Variants in POU2F3 observed in about 807,000 individuals in gnomAD.
POU2F3 encodes the protein POU domain, class 2, transcription factor 3.
POU2F3 carries 23 observed loss-of-function variants against 59.2 expected under a neutral mutation model. The observed-to-expected ratio is 0.39, with a 90% CI of 0.28 to 0.55. The LOEUF is 0.55. Ranked by LOEUF, POU2F3 falls within the 20% of genes least tolerant of loss-of-function variation. POU2F3 has a pLI of 0.66. For missense variants in POU2F3, 473 were observed against 544.5 expected (o/e 0.87, Z 1.31); for synonymous variants, 190 against 214.6 (o/e 0.89, Z 1.00).
intron 6 of POU2F3, chr11:120,303,846 A>G (rs1390186546): frequency 1.3e-5 from 2 of 152,216 alleles, no homozygotes. Flanking sequence ...TACAAAAAGT[A>G]AATCAAAAAG....
chr11:120,243,232 T>G (rs918076501), intron 1 of POU2F3, among the ~76,000 whole-genome samples: 1 of 152,092 alleles, frequency 6.6e-6, no homozygotes, highest in South Asian at 2.1e-4. Flanking sequence ...AGCAGGTATG[T>G]GCGGGAGGAG....
chr11:120,271,648 A>C lies in POU2F3; in HGVS notation c.132+2404A>C, dbSNP rs57875313. Among the ~76,000 whole-genome samples, 1,045 of 152,196 alleles carry C rather than the reference A, an allele frequency of 6.9e-3. 11 individuals are homozygous for C. The highest frequency in any genetic ancestry group is 0.024 in the African/African-American group (998 of 41,520). ...CTTGGCGGCCCATGTGATTTGTTGG[A>C]AGCTTGAGACACACTAGTGCTGGAG... On this transcript the variant is annotated intron_variant, in intron 3 of 12. Coordinates refer to ENST00000543440, the MANE Select transcript of POU2F3 (RefSeq NM_014352.4).
chr11:120,285,549 A>T lies in POU2F3; in HGVS notation c.133-12716A>T, dbSNP rs1940748162. On this transcript the variant is annotated intron_variant, in intron 3 of 12. Coordinates refer to ENST00000543440, the MANE Select transcript of POU2F3 (RefSeq NM_014352.4). This position sits in a 1 kb window ranked among gnomAD's most constrained non-coding sequence, Gnocchi z 4.3. ...CCTTCCTTAAACCAGTTATATACTTAATACATGAATACTTTCCGGTTATAA... is the reference window on the plus strand; with the variant it reads ...CCTTCCTTAAACCAGTTATATACTTTATACATGAATACTTTCCGGTTATAA... Among the ~76,000 whole-genome samples, 1 of 152,240 alleles carries T rather than the reference A, an allele frequency of 6.6e-6. No individual in the cohort carries two copies. The highest frequency in any genetic ancestry group is 1.5e-5 in the Non-Finnish European group (1 of 68,048).
At chr11:120,241,373 G>T (rs1938655537) in intron 1 of POU2F3, among the ~76,000 whole-genome samples, 1 of 152,200 alleles carries the variant, frequency 6.6e-6, no homozygotes, top group Non-Finnish European at 1.5e-5. Context: ...AAGCAGAGCA[G>T]GCCTGAGGCC....
intron 3 of POU2F3, among the ~76,000 whole-genome samples, chr11:120,279,067 A>G (rs570643095): frequency 3.3e-5 from 5 of 152,276 alleles, no homozygotes; most frequent in South Asian, 2.1e-4. Context: ...CATCATTCCT[A>G]TTCCATAGAT....
chr11:120,289,694 G>A (rs1297345094), intron 3 of POU2F3, among the ~76,000 whole-genome samples: 1 of 152,156 alleles, frequency 6.6e-6, no homozygotes, highest in Non-Finnish European at 1.5e-5. Context: ...CGCTTCCTGG[G>A]ATGGCTTTCT....
chr11:120,249,087 A>G (rs1054352961), intron 2 of POU2F3, among the ~76,000 whole-genome samples: 14 of 152,178 alleles, frequency 9.2e-5, no homozygotes, highest in Admixed American at 8.5e-4. Context: ...TGCCCAGGGG[A>G]GCATTCTCAG....
intron 3 of POU2F3, among the ~76,000 whole-genome samples, chr11:120,284,973 A>T (rs1203777437): frequency 6.6e-6 from 1 of 152,212 alleles, no homozygotes; most frequent in African/African-American, 2.4e-5. Context: ...TCAGCGGTGA[A>T]ATTTTAAAAG....
At chr11:120,260,194 C>T (rs145513504) in intron 2 of POU2F3, among the ~76,000 whole-genome samples, 4 of 152,376 alleles carry the variant, frequency 2.6e-5, no homozygotes, top group African/African-American at 7.2e-5. Context: ...CTCCGGCTTC[C>T]ACCTCCCTCA....
intron 4 of POU2F3, among the ~76,000 whole-genome samples, chr11:120,298,837 G>A (rs1301072881): frequency 6.6e-6 from 1 of 152,176 alleles, no homozygotes; most frequent in Non-Finnish European, 1.5e-5. Flanking sequence ...CCGGGAGGGC[G>A]TTCACATGAC....
chr11:120,272,114 G>C (rs952637448), intron 3 of POU2F3, among the ~76,000 whole-genome samples: 1 of 152,146 alleles, frequency 6.6e-6, no homozygotes, highest in Admixed American at 6.5e-5. Context: ...TCGGGGCAAG[G>C]CGCTTCTGGC....
chr11:120,318,544 G>T lies in POU2F3; in HGVS notation c.*152G>T. The stretch of plus-strand genomic sequence containing the variant: ...AGACTCTTGTCTTCTTCAAGAGCAA[G>T]GGCCTCCGGAGATCCAAACTGTGAT... On this transcript the variant is annotated 3_prime_UTR_variant, in exon 13 of 13. Transcript: ENST00000543440. 1 of 747,098 alleles carries T rather than the reference G, an allele frequency of 1.3e-6. No individual in the cohort carries two copies. Among genetic ancestry groups the T allele is most frequent in the African/African-American group, 1.8e-5 (1 of 56,922 alleles). The allele number at this position is 747,098 out of a possible 1,614,324, so 46.3% of individuals were successfully genotyped here.
At chr11:120,292,392 A>G (rs1941054822) in intron 3 of POU2F3, among the ~76,000 whole-genome samples, 1 of 152,200 alleles carries the variant, frequency 6.6e-6, no homozygotes. Context: ...AAAAAGTGTG[A>G]TGATGAACTG....
intron 2 of POU2F3, among the ~76,000 whole-genome samples, chr11:120,262,635 G>T (rs577155264): frequency 6.6e-6 from 1 of 152,188 alleles, no homozygotes; most frequent in South Asian, 2.1e-4. Context: ...ATATGCACAC[G>T]CATTTTTAAT....
intron 11 of POU2F3, among the ~76,000 whole-genome samples, chr11:120,316,223 T>C (rs1941785984): frequency 6.6e-6 from 1 of 152,158 alleles, no homozygotes; most frequent in African/African-American, 2.4e-5. Flanking sequence ...TGGTAAAATA[T>C]ATGTCACCCT....
intron 3 of POU2F3, among the ~76,000 whole-genome samples, chr11:120,274,036 G>C (rs1940195616): frequency 6.9e-6 from 1 of 145,182 alleles, no homozygotes; most frequent in Non-Finnish European, 1.5e-5. Context: ...AAAAAAAAGA[G>C]AGAGAGAGAA....
chr11:120,304,930 T>C (rs1280113709), intron 6 of POU2F3, 100 bp from the exon 7 acceptor site: 2 of 903,470 alleles, frequency 2.2e-6, no homozygotes, highest in African/African-American at 2.3e-5. Flanking sequence ...ATCCTCTAAG[T>C]GGGCCTATTA....
intron 8 of POU2F3, among the ~76,000 whole-genome samples, chr11:120,306,711 A>C (rs1941501276): frequency 6.6e-6 from 1 of 152,050 alleles, no homozygotes; most frequent in African/African-American, 2.4e-5. Context: ...TCGTGGTTAC[A>C]CTGGAGAGGG....
chr11:120,288,127 C>CAAAAAAAAAAAAAAAAAAAAAAAA (rs1491240764), intron 3 of POU2F3, among the ~76,000 whole-genome samples: 1 of 7,632 alleles, frequency 1.3e-4, no homozygotes, highest in Admixed American at 2.9e-3. Context: ...AACAAAAAAA[C>CAAAAAAAAAAAAAAAAAAAAAAAA]CAAAAAAAAA....
Sources: gnomAD v4.1 joint callset for allele counts (sites outside exome capture counted in the v4.1 genomes callset) on GRCh38, gnomAD v4.1.1 for gene constraint, Gnocchi (gnomAD v3.1) non-coding constraint, MANE v1.5 for transcripts, NCBI Gene and HGNC (gene_info 2026-07-23, HGNC 2026-07-21) for gene names.